DLC1: variants seen among roughly 807,000 people sequenced by gnomAD.
DLC1 encodes rho GTPase-activating protein 7.
A neutral mutation model predicts 140.3 loss-of-function variants in DLC1; 54 were observed. The ratio of observed to expected loss-of-function variants is 0.38; its 90% confidence interval spans 0.31 to 0.48. The LOEUF (loss-of-function observed/expected upper bound fraction) is 0.48. Ranked by LOEUF, DLC1 falls within the 20% of genes least tolerant of loss-of-function variation. The pLI is 0.96. For synonymous variants in DLC1, 986 were observed against 728.1 expected, an observed-to-expected ratio of 1.35 and a Z score of -5.70; for missense variants, 2,536 against 1,907.0, an observed-to-expected ratio of 1.33 and a Z score of -6.14.
At chr8:13,111,129 AT>A (rs1820075730) in intron 6 of DLC1, among the ~76,000 whole-genome samples, 1 of 152,192 alleles carries the variant, frequency 6.6e-6, no homozygotes, top group Non-Finnish European at 1.5e-5. Flanking sequence ...CCCAGTAGAA[AT>A]TATAATTTAA....
At chr8:13,565,962 T>C (rs1460615361) in intron 1 of DLC1, among the ~76,000 whole-genome samples, 1 of 152,220 alleles carries the variant, frequency 6.6e-6, no homozygotes, top group Non-Finnish European at 1.5e-5. Context: ...GAACTTATAG[T>C]ACTTATTTCT....
At chr8:13,228,252 T>C (rs1248716781) in intron 5 of DLC1, among the ~76,000 whole-genome samples, 1 of 151,818 alleles carries the variant, frequency 6.6e-6, no homozygotes, top group Non-Finnish European at 1.5e-5. Flanking sequence ...CTTTATTTCC[T>C]CTATTGTGAC....
At chr8:13,173,203 C>T (rs1563136048) in intron 5 of DLC1, among the ~76,000 whole-genome samples, 1 of 152,092 alleles carries the variant, frequency 6.6e-6, no homozygotes, top group East Asian at 1.9e-4. Flanking sequence ...TTCTTGCAAA[C>T]CAGTGAAGGA....
intron 2 of DLC1, among the ~76,000 whole-genome samples, chr8:13,484,646 T>C (rs1204688883): frequency 6.6e-6 from 1 of 152,116 alleles, no homozygotes; most frequent in African/African-American, 2.4e-5. Context: ...CTTGGTTTCA[T>C]AGTTTCACAA....
intron 1 of DLC1, among the ~76,000 whole-genome samples, chr8:13,551,045 T>TAA (rs1803827301): frequency 3.3e-5 from 1 of 30,188 alleles, no homozygotes; most frequent in African/African-American, 1.4e-4. Context: ...CAGATTTCTT[T>TAA]AAACACACAC....
chr8:13,332,120 C>G (rs190492789), intron 4 of DLC1, among the ~76,000 whole-genome samples: 116 of 152,280 alleles, frequency 7.6e-4, no homozygotes, highest in African/African-American at 2.8e-3. Flanking sequence ...AATGTAATTG[C>G]TTATTTTTCT....
chr8:13,491,584 G>A (rs536925532), intron 2 of DLC1, among the ~76,000 whole-genome samples: 26 of 152,150 alleles, frequency 1.7e-4, no homozygotes, highest in South Asian at 6.2e-4. Context: ...AAGTATCTTC[G>A]GGATAACATT....
chr8:13,579,055 C>A (rs1436229747), intron 1 of DLC1, among the ~76,000 whole-genome samples: 2 of 151,422 alleles, frequency 1.3e-5, no homozygotes, highest in Non-Finnish European at 2.9e-5. Flanking sequence ...ACAAAAGAGA[C>A]TCCTATTGCC....
At chr8:13,275,063 T>C (rs1330332151) in intron 5 of DLC1, among the ~76,000 whole-genome samples, 1 of 152,206 alleles carries the variant, frequency 6.6e-6, no homozygotes, top group Non-Finnish European at 1.5e-5. Flanking sequence ...TGGTTAAATT[T>C]AAAATATTTT....
intron 2 of DLC1, among the ~76,000 whole-genome samples, chr8:13,471,846 C>A (rs1443415647): frequency 6.6e-6 from 1 of 152,134 alleles, no homozygotes; most frequent in East Asian, 1.9e-4. Flanking sequence ...ACGCTGAAGC[C>A]ACTCCCAAGC....
At chr8:13,463,877 A>T (rs1799800914) in intron 2 of DLC1, among the ~76,000 whole-genome samples, 1 of 152,222 alleles carries the variant, frequency 6.6e-6, no homozygotes, top group Non-Finnish European at 1.5e-5. Context: ...GAAAGAGCTC[A>T]GAAAGAGCCA....
rs539260038 is a variant in DLC1 at position 13,144,671 on chromosome 8, A to T, written c.1349-29014T>A. ...TCCCAGCTACTCGGGAGGCTGAGGC[A>T]GGAGAATGGTGTGAACCAGAGAGGC... is the stretch of plus-strand genomic sequence containing the variant. On this transcript the variant is annotated intron_variant, in intron 5 of 17. Transcript: ENST00000276297. Among the ~76,000 whole-genome samples the T allele has an allele frequency of 2.6e-5, 4 of 152,316 alleles. No individual in the cohort carries two copies. The East Asian group carries it at 7.7e-4, about 29-fold the overall frequency.
chr8:13,254,740 C>T (rs777606549), intron 5 of DLC1, among the ~76,000 whole-genome samples: 15 of 148,410 alleles, frequency 1.0e-4, no homozygotes, highest in Non-Finnish European at 2.1e-4. Flanking sequence ...GTATAGATTT[C>T]TGACTTACTC....
At chr8:13,272,351 G>A (rs1350586188) in intron 5 of DLC1, among the ~76,000 whole-genome samples, 1 of 152,076 alleles carries the variant, frequency 6.6e-6, no homozygotes, top group Admixed American at 6.5e-5. Context: ...GAGAGGCTGG[G>A]AATCTCTTGA....
intron 1 of DLC1, among the ~76,000 whole-genome samples, chr8:13,549,184 G>C (rs1483642453): frequency 6.6e-6 from 1 of 151,966 alleles, no homozygotes; most frequent in Non-Finnish European, 1.5e-5. Context: ...ATTAAATCAG[G>C]TTGCTCAAGT....
At chr8:13,293,325 A>T (rs1010398485) in intron 5 of DLC1, among the ~76,000 whole-genome samples, 1 of 152,230 alleles carries the variant, frequency 6.6e-6, no homozygotes, top group African/African-American at 2.4e-5. Context: ...TTTAGTCAAG[A>T]GGAAAAAGAA....
intron 5 of DLC1, among the ~76,000 whole-genome samples, chr8:13,142,365 GAACA>G (rs1413300090): frequency 6.6e-6 from 1 of 152,116 alleles, no homozygotes; most frequent in African/African-American, 2.4e-5. Flanking sequence ...TTCTGTTCCT[GAACA>G]AACAGCTATT....
chr8:13,306,560 G>T (rs1472525812), intron 4 of DLC1, among the ~76,000 whole-genome samples: 1 of 66,486 alleles, frequency 1.5e-5, no homozygotes, highest in Admixed American at 1.8e-4. Flanking sequence ...GTGTGTGTTT[G>T]TGTGTGTGTG....
At chr8:13,159,745 T>C (rs1417409632) in intron 5 of DLC1, among the ~76,000 whole-genome samples, 1 of 151,574 alleles carries the variant, frequency 6.6e-6, no homozygotes. Flanking sequence ...GATGGCTTAG[T>C]TGGTGCTTGT....
Sources: gnomAD v4.1 joint callset for allele counts (sites outside exome capture counted in the v4.1 genomes callset) on GRCh38, gnomAD v4.1.1 for gene constraint, MANE v1.5 for transcripts, NCBI Gene and HGNC (gene_info 2026-07-23, HGNC 2026-07-21) for gene names.